ANKRD49: variants seen among roughly 807,000 people sequenced by gnomAD.
ANKRD49 encodes the protein ankyrin repeat domain-containing protein 49.
ANKRD49 carries 18 observed loss-of-function variants against 19.6 expected under a neutral mutation model. The ratio of observed to expected loss-of-function variants is 0.92; its 90% CI spans 0.63 to 1.36. ANKRD49 has a LOEUF of 1.36. Ranked by LOEUF, ANKRD49 falls within the 40% of genes most tolerant of loss-of-function variation. The probability of loss-of-function intolerance (pLI) is 0.00; values close to 1 mark genes in which losing one functional copy is unlikely to be tolerated. For missense variants in ANKRD49, 218 were observed against 281.6 expected, an observed-to-expected ratio of 0.77 and a Z score of 1.62; for synonymous variants, 88 against 101.8, an observed-to-expected ratio of 0.86 and a Z score of 0.82.
At chr11:94,497,261 G>T in intron 2 of ANKRD49, 2 of 497,622 alleles carry the variant, frequency 4.0e-6, no homozygotes, top group East Asian at 3.0e-5. Context: ...AACTATACCA[G>T]GTACCTTATT....
Position 94,498,811 on chromosome 11 carries a change from G to A in ANKRD49, c.*279G>A, listed in dbSNP as rs1179463916. The A allele has an allele frequency of 2.7e-6, 1 of 368,940 alleles. No individual in the cohort carries two copies. The highest frequency in any genetic ancestry group is 2.1e-5 in the African/African-American group (1 of 47,150). 22.9% of individuals were successfully genotyped at this position (368,940 alleles called of 1,614,324 possible). A position where few individuals can be genotyped will look rare whatever the true frequency, so the allele number is the denominator to read the frequency against. The stretch of plus-strand genomic sequence containing the variant: ...CTTGACACGGGTTGTACAGAAACTG[G>A]TATTTTTGGTGCTGATACAAGAGAA... On this transcript the variant is annotated 3_prime_UTR_variant, in exon 3 of 3. Transcript: ENST00000544612.
rs1440042120 is a variant in ANKRD49 at position 94,498,318 on chromosome 11, C to G, written c.506C>G (p.Ala169Gly). Residue 169 changes from alanine to glycine, a missense_variant, in exon 3 of 3, where the codon GCC (alanine) becomes GGC (glycine). By Grantham distance (60) the Ala-to-Gly change is moderately conservative (BLOSUM62 0). Coordinates refer to ENST00000544612, the MANE Select transcript of ANKRD49 (RefSeq NM_017704.3). ...CTGCAGCATGATGCAGATATCAATG[C>G]CCAAACAAAAGGCCTCTTGACCCCC... ...FLLQHDADINAQTKGLLTPLH... is the reference protein window; with the variant it reads ...FLLQHDADINGQTKGLLTPLH... The G allele has an allele frequency of 1.2e-6, 2 of 1,614,032 alleles. No individual in the cohort carries two copies. Among genetic ancestry groups the G allele is most frequent in the South Asian group, 2.2e-5 (2 of 91,076 alleles).
At chr11:94,498,007 A>C in intron 2 of ANKRD49, 64 bp from the exon 3 acceptor site, 1 of 1,273,474 alleles carries the variant, frequency 7.9e-7, no homozygotes, top group Non-Finnish European at 1.1e-6. Context: ...ACCACAAGAC[A>C]ATTTTGTTTT....
Position 94,498,122 on chromosome 11 carries a change from A to G in ANKRD49, c.310A>G (p.Arg104Gly), listed in dbSNP as rs773323949. The G allele has an allele frequency of 1.2e-6, 2 of 1,614,068 alleles. No homozygotes were observed. The highest frequency in any genetic ancestry group is 1.1e-5 in the South Asian group (1 of 91,080). Residue 104 changes from arginine to glycine, a missense_variant, in exon 3 of 3, where the codon AGG becomes GGG. Coordinates refer to ENST00000544612, the MANE Select transcript of ANKRD49 (RefSeq NM_017704.3). ...LSEKATHVNTRDEDEYTPLHR... is the reference protein window; with the variant it reads ...LSEKATHVNTGDEDEYTPLHR... The stretch of plus-strand genomic sequence containing the variant: ...TGAAAAGGCCACTCACGTGAACACT[A>G]GGGATGAAGATGAGTATACCCCTCT...
rs1368609326 is a variant in ANKRD49 at position 94,498,599 on chromosome 11, A to C, written c.*67A>C. The C allele has an allele frequency of 2.2e-6, 3 of 1,354,780 alleles. No individual in the cohort carries two copies. The East Asian group carries it at 6.9e-5, about 31-fold the overall frequency. 83.9% of individuals were successfully genotyped at this position (1,354,780 alleles called of 1,614,324 possible). A position where few individuals can be genotyped will look rare whatever the true frequency, so the allele number is the denominator to read the frequency against. Reference sequence around the variant, plus strand: ...CCTGTGTGTGAGATGTATTCCCATAATCAAAGTTGACGTCAAACATCTTAC... The same window carrying C: ...CCTGTGTGTGAGATGTATTCCCATACTCAAAGTTGACGTCAAACATCTTAC... On this transcript the variant is annotated 3_prime_UTR_variant, in exon 3 of 3. Transcript: ENST00000544612.
intron 1 of ANKRD49, among the ~76,000 whole-genome samples, chr11:94,494,967 A>T (rs1947389851): frequency 6.6e-6 from 1 of 152,242 alleles, no homozygotes; most frequent in Non-Finnish European, 1.5e-5. Context: ...AAGCTCCAGG[A>T]GAATTAATAA....
chr11:94,496,953 TAAA>T lies in ANKRD49; in HGVS notation c.258+11_258+13del. 1 of 1,398,136 alleles carries T rather than the reference TAAA, an allele frequency of 7.2e-7. No individual in the cohort carries two copies. 86.6% of individuals were successfully genotyped at this position (1,398,136 alleles called of 1,614,324 possible). On this transcript the variant is annotated splice_donor_5th_base_variant and intron_variant, in intron 2 of 2. Coordinates refer to ENST00000544612, the MANE Select transcript of ANKRD49 (RefSeq NM_017704.3). ...CTTTGGGCTGCTGAAAAAAATCGGG[TAAA>T]AAAAAAAATTACAGAGGGAAGTGTG...
At position 94,496,815 on chromosome 11, in the gene ANKRD49, C is replaced by T; in HGVS notation, c.122C>T (p.Thr41Ile). Residue 41 changes from threonine (T) to isoleucine (I), a missense_variant, in exon 2 of 3, where the codon ACT (threonine) becomes ATT (isoleucine). By Grantham distance (89) the Thr-to-Ile change is moderately conservative. Transcript: ENST00000544612. Reference protein sequence around the residue: ...ETHGHLIPTGTQSLWVGNSDE... With the variant: ...ETHGHLIPTGIQSLWVGNSDE... ...CATGGACACCTTATTCCTACTGGTA[C>T]TCAAAGTCTTTGGGTAGGCAATTCT... is the stretch of plus-strand genomic sequence containing the variant. 4 of 1,613,886 alleles carry T rather than the reference C, an allele frequency of 2.5e-6. No individual in the cohort carries two copies. Among genetic ancestry groups the T allele is most frequent in the Non-Finnish European group, 2.5e-6 (3 of 1,179,956 alleles).
At chr11:94,495,629 G>T (rs1947407128) in intron 1 of ANKRD49, among the ~76,000 whole-genome samples, 1 of 152,092 alleles carries the variant, frequency 6.6e-6, no homozygotes, top group Non-Finnish European at 1.5e-5. Context: ...ATTGATTAAG[G>T]TTTATATGTT....
At chr11:94,496,119 T>G (rs533042690) in intron 1 of ANKRD49, among the ~76,000 whole-genome samples, 1 of 151,924 alleles carries the variant, frequency 6.6e-6, no homozygotes, top group African/African-American at 2.4e-5. Context: ...TAAAGATATA[T>G]GTACCGATGA....
chr11:94,494,450 G>C lies in ANKRD49; in HGVS notation c.-91+415G>C, dbSNP rs1591733547. Reference sequence around the variant, plus strand: ...CTTTCAGTTCCATTGAAGGGTCCTTGATCTAGGGCAAGTTGTTTTAATCTA... The same window carrying C: ...CTTTCAGTTCCATTGAAGGGTCCTTCATCTAGGGCAAGTTGTTTTAATCTA... On this transcript the variant is annotated intron_variant, in intron 1 of 2. Coordinates refer to ENST00000544612, the MANE Select transcript of ANKRD49 (RefSeq NM_017704.3). Among the ~76,000 whole-genome samples, 3 of 152,300 alleles carry C rather than the reference G, an allele frequency of 2.0e-5. No individual in the cohort carries two copies. In the South Asian group the frequency reaches 6.2e-4, roughly 32 times the overall value.
At position 94,496,596 on chromosome 11, in the gene ANKRD49, GT is replaced by G; in HGVS notation, c.-90-4del. 8.8e-7 allele frequency: 1 copy of G among 1,141,490 alleles called. No individual in the cohort carries two copies. Among genetic ancestry groups the G allele is most frequent in the Non-Finnish European group, 1.2e-6 (1 of 813,274 alleles). 70.7% of individuals were successfully genotyped at this position (1,141,490 alleles called of 1,614,324 possible). ...TTTTACTAATAACTTTTGTATTTGT[GT>G]TTTCAGATCTTGATGAACAAAGCAG... On this transcript the variant is annotated splice_polypyrimidine_tract_variant and splice_region_variant and intron_variant, in intron 1 of 2. Coordinates refer to ENST00000544612, the MANE Select transcript of ANKRD49 (RefSeq NM_017704.3).
Position 94,498,184 on chromosome 11 carries a change from T to C in ANKRD49, c.372T>C (p.Val124=), listed in dbSNP as rs1565246848. 2.5e-6 allele frequency: 4 copies of C among 1,614,190 alleles called. No individual in the cohort carries two copies. In the South Asian group the frequency reaches 3.3e-5, roughly 13 times the overall value. ...CCTACAGTGGACACTTAGATATTGT[T>C]CAGGAGCTCATTGCACAGGGGGCCG... The part of the protein sequence containing the change: ...RAAYSGHLDI[V]QELIAQGADV... The change falls in exon 3 of 3, where the codon GTT becomes GTC. Residue 124 remains valine (V), a synonymous_variant. Coordinates refer to ENST00000544612, the MANE Select transcript of ANKRD49 (RefSeq NM_017704.3).
At chr11:94,494,170 G>A (rs370535610) in intron 1 of ANKRD49, 135 bp downstream of exon 1, 24 of 152,382 alleles carry the variant, frequency 1.6e-4, no homozygotes, top group African/African-American at 5.8e-4. Flanking sequence ...GTGGTCCCCA[G>A]GTAGGACCGA....
intron 1 of ANKRD49, among the ~76,000 whole-genome samples, chr11:94,494,819 G>T (rs959609834): frequency 1.3e-5 from 2 of 152,136 alleles, no homozygotes; most frequent in Non-Finnish European, 2.9e-5. Context: ...AAGATCTGTG[G>T]TATAAGGTTA....
chr11:94,498,403 C>G lies in ANKRD49; in HGVS notation c.591C>G (p.Asn197Lys). Residue 197 changes from asparagine (N) to lysine (K), a missense_variant, in exon 3 of 3, where the codon AAC becomes AAG. By Grantham distance (94) the Asn-to-Lys change is moderately conservative. Transcript: ENST00000544612. ...SKDTLELLLMNRYVKPGLKNN... is the reference protein window; with the variant it reads ...SKDTLELLLMKRYVKPGLKNN... ...ATACCCTAGAACTCCTCCTGATGAA[C>G]CGTTACGTCAAACCAGGGCTGAAAA... is the stretch of plus-strand genomic sequence containing the variant. The G allele has an allele frequency of 1.9e-6, 3 of 1,613,430 alleles. No individual in the cohort carries two copies. The highest frequency in any genetic ancestry group is 2.5e-6 in the Non-Finnish European group (3 of 1,179,858).
At position 94,498,954 on chromosome 11, in the gene ANKRD49, C is replaced by A. The variant is rs1408069976; in HGVS notation, c.*422C>A. 1 of 169,954 alleles carries A rather than the reference C, an allele frequency of 5.9e-6. No homozygotes were observed. Among genetic ancestry groups the A allele is most frequent in the African/African-American group, 2.4e-5 (1 of 41,582 alleles). 10.5% of individuals were successfully genotyped at this position (169,954 alleles called of 1,614,324 possible). A position where few individuals can be genotyped will look rare whatever the true frequency, so the allele number is the denominator to read the frequency against. On this transcript the variant is annotated 3_prime_UTR_variant, in exon 3 of 3. Transcript: ENST00000544612. ...TTTAAAAGTCTTAAATATTCTGATA[C>A]AATTCAGCTGTCTTCTCTACCTTAC...
At chr11:94,497,788 T>C (rs1947436734) in intron 2 of ANKRD49, 1 of 330,724 alleles carries the variant, frequency 3.0e-6, no homozygotes, top group Non-Finnish European at 5.5e-6. Flanking sequence ...CTGAAGCTTT[T>C]ATGCAATAAA....
chr11:94,497,227 G>A, intron 2 of ANKRD49: 1 of 519,354 alleles, frequency 1.9e-6, no homozygotes, highest in Non-Finnish European at 3.4e-6. Context: ...AAGAGAGGAT[G>A]GAAACTAACA....
Sources: allele counts gnomAD v4.1 joint callset (sites outside exome capture counted in the v4.1 genomes callset), GRCh38; gene constraint gnomAD v4.1.1; transcripts MANE v1.5; gene names NCBI Gene and HGNC (gene_info 2026-07-23, HGNC 2026-07-21).